RPH3AL: variants seen among roughly 807,000 people sequenced by gnomAD.
RPH3AL encodes the protein rab effector Noc2.
Under a neutral mutation model 43.1 loss-of-function variants are expected in RPH3AL, and 38 were observed. The ratio of observed to expected loss-of-function variants is 0.88; its 90% confidence interval spans 0.68 to 1.15. The LOEUF (loss-of-function observed/expected upper bound fraction) is 1.15, where lower values mean the gene tolerates loss of function less well. Ranked by LOEUF, RPH3AL falls within the 50% of genes most tolerant of loss-of-function variation. The pLI is 0.00. For missense variants in RPH3AL, 462 were observed against 423.2 expected (o/e 1.09, Z -0.81); for synonymous variants, 189 against 176.3 (o/e 1.07, Z -0.57).
intron 4 of RPH3AL, among the ~76,000 whole-genome samples, chr17:320,472 C>A (rs2044436400): frequency 2.0e-5 from 3 of 151,304 alleles, no homozygotes; most frequent in Admixed American, 2.0e-4. Context: ...CCCATCTCTA[C>A]AAAAAAAATA....
At chr17:276,095 C>T (rs781603453) in intron 6 of RPH3AL, among the ~76,000 whole-genome samples, 4 of 152,242 alleles carry the variant, frequency 2.6e-5, no homozygotes, top group Non-Finnish European at 4.4e-5. Flanking sequence ...CAGAGGAAAT[C>T]GGGGACGAGA....
chr17:240,649 C>T lies in RPH3AL; in HGVS notation c.613+6462G>A, dbSNP rs191694073. ...GCACTTTCTTCCTATGACTGAATAACGTTCCACTGTGTGATTACACCATAT... is the reference window on the plus strand; with the variant it reads ...GCACTTTCTTCCTATGACTGAATAATGTTCCACTGTGTGATTACACCATAT... On this transcript the variant is annotated intron_variant, in intron 7 of 9. Coordinates refer to ENST00000331302, the MANE Select transcript of RPH3AL (RefSeq NM_006987.4). Among the ~76,000 whole-genome samples the T allele has an allele frequency of 3.1e-3, 465 of 152,346 alleles. 2 individuals are homozygous for T. The highest frequency in any genetic ancestry group is 0.011 in the African/African-American group (445 of 41,574).
intron 8 of RPH3AL, among the ~76,000 whole-genome samples, chr17:218,935 T>C (rs985771463): frequency 1.3e-5 from 2 of 152,046 alleles, no homozygotes; most frequent in Non-Finnish European, 2.9e-5. Context: ...AGAGGCAAAC[T>C]CTCAGTTGGG....
chr17:313,870 G>A (rs2043724751), intron 5 of RPH3AL, among the ~76,000 whole-genome samples: 1 of 152,122 alleles, frequency 6.6e-6, no homozygotes, highest in South Asian at 2.1e-4. Context: ...CCATCCAGCT[G>A]TGCTCCCCTA....
intron 5 of RPH3AL, among the ~76,000 whole-genome samples, chr17:318,172 C>G (rs2044352937): frequency 6.6e-6 from 1 of 152,050 alleles, no homozygotes; most frequent in South Asian, 2.1e-4. Flanking sequence ...CACCTGAGGT[C>G]AGGAGTTCAA....
At chr17:271,331 A>T (rs954565364) in intron 6 of RPH3AL, among the ~76,000 whole-genome samples, 1 of 152,214 alleles carries the variant, frequency 6.6e-6, no homozygotes, top group Non-Finnish European at 1.5e-5. Flanking sequence ...TGGTAGCCTG[A>T]TGGGGATGGC....
At chr17:332,995 A>G in intron 2 of RPH3AL, 3 of 1,283,142 alleles carry the variant, frequency 2.3e-6, no homozygotes, top group Admixed American at 2.3e-5. Flanking sequence ...TAGGGGACAG[A>G]GGCTCATCAG....
In RPH3AL at chr17:300,166, C is replaced by T. The variant is rs1168392738; in HGVS notation, c.352-18312G>A. On this transcript the variant is annotated intron_variant, in intron 5 of 9. Transcript: ENST00000331302. ...CCCAGCCTAGGCCTGCAGAATCTCTCACCCACTCTAGAAGGGGCTGGCCCA... is the reference window on the plus strand; with the variant it reads ...CCCAGCCTAGGCCTGCAGAATCTCTTACCCACTCTAGAAGGGGCTGGCCCA... Among the ~76,000 whole-genome samples, 49 of 72,918 alleles carry T rather than the reference C, an allele frequency of 6.7e-4. 1 individual carries two copies. Among genetic ancestry groups the T allele is most frequent in the African/African-American group, 2.5e-3 (46 of 18,442 alleles). 47.8% of individuals were successfully genotyped at this position (72,918 alleles called of 152,430 possible).
chr17:226,128 G>A (rs534238921), intron 7 of RPH3AL, among the ~76,000 whole-genome samples: 4 of 152,232 alleles, frequency 2.6e-5, no homozygotes, highest in East Asian at 1.9e-4. Context: ...TTTGGTGCCC[G>A]TGTGCACAAG....
intron 6 of RPH3AL, among the ~76,000 whole-genome samples, chr17:259,329 C>T (rs940169389): frequency 1.3e-5 from 2 of 152,156 alleles, no homozygotes; most frequent in Non-Finnish European, 1.5e-5. Context: ...AAATGCCTTC[C>T]GCAGGGGAGA....
intron 8 of RPH3AL, among the ~76,000 whole-genome samples, chr17:217,317 C>G (rs1287544018): frequency 3.8e-5 from 4 of 105,216 alleles, no homozygotes; most frequent in Non-Finnish European, 9.6e-5. Flanking sequence ...TCATTCCCAT[C>G]TGGGGCAGTT....
rs1395189453 is a variant in RPH3AL at position 323,593 on chromosome 17, G to A, written c.78-2178C>T. ...GGGAGTTGGAAGCCAGGGCCCCCAG[G>A]TTCAGGGAATCACCACTCCCTCCAC... is the stretch of plus-strand genomic sequence containing the variant. On this transcript the variant is annotated intron_variant, in intron 3 of 9. Coordinates refer to ENST00000331302, the MANE Select transcript of RPH3AL (RefSeq NM_006987.4). This position sits in a 1 kb window ranked among gnomAD's most constrained non-coding sequence, Gnocchi z 4.4. Among the ~76,000 whole-genome samples the A allele has an allele frequency of 1.3e-5, 2 of 152,138 alleles. No homozygotes were observed. The highest frequency in any genetic ancestry group is 2.1e-4 in the South Asian group (1 of 4,830).
chr17:241,670 G>A (rs2041536783), intron 7 of RPH3AL, among the ~76,000 whole-genome samples: 1 of 151,366 alleles, frequency 6.6e-6, no homozygotes, highest in Non-Finnish European at 1.5e-5. Flanking sequence ...CACAGAGAAA[G>A]GGTTTGGAGA....
rs2040719218 is a variant in RPH3AL at position 213,481 on chromosome 17, A to C, written c.*371T>G. The C allele has an allele frequency of 3.0e-6, 1 of 332,184 alleles. No individual in the cohort carries two copies. The highest frequency in any genetic ancestry group is 2.2e-5 in the African/African-American group (1 of 45,980). 20.6% of individuals were successfully genotyped at this position (332,184 alleles called of 1,614,324 possible). A position where few individuals can be genotyped will look rare whatever the true frequency, so the allele number is the denominator to read the frequency against. On this transcript the variant is annotated 3_prime_UTR_variant, in exon 10 of 10. Coordinates refer to ENST00000331302, the MANE Select transcript of RPH3AL (RefSeq NM_006987.4). ...TAGGTTTCATTTAGTCTTGCCATTAATATAGCAACGGAGATAGCCCCACCG... is the reference window on the plus strand; with the variant it reads ...TAGGTTTCATTTAGTCTTGCCATTACTATAGCAACGGAGATAGCCCCACCG...
intron 5 of RPH3AL, among the ~76,000 whole-genome samples, chr17:291,511 A>T (rs537368552): frequency 5.9e-5 from 9 of 152,312 alleles, no homozygotes; most frequent in Admixed American, 2.0e-4. Context: ...GACGGTGCTT[A>T]CAGAGGGGTC....
chr17:305,497 C>T (rs552541122), intron 5 of RPH3AL, among the ~76,000 whole-genome samples: 7 of 152,238 alleles, frequency 4.6e-5, no homozygotes, highest in East Asian at 3.9e-4. Flanking sequence ...GGTTACAGGT[C>T]GGTTCCTTCT....
chr17:327,400 C>A, intron 3 of RPH3AL, 67 bp downstream of exon 3: 3 of 1,393,952 alleles, frequency 2.2e-6, no homozygotes, highest in South Asian at 2.3e-5. Context: ...ATGAATCTTG[C>A]TGAAGACAGG....
intron 1 of RPH3AL, among the ~76,000 whole-genome samples, chr17:346,443 G>A (rs180837575): frequency 3.0e-5 from 4 of 135,022 alleles, no homozygotes; most frequent in Admixed American, 7.2e-5. Context: ...AGCAAGTCAC[G>A]TCTTACATAA....
At chr17:259,267 C>T (rs768452690) in intron 6 of RPH3AL, among the ~76,000 whole-genome samples, 3 of 152,202 alleles carry the variant, frequency 2.0e-5, no homozygotes, top group Non-Finnish European at 4.4e-5. Context: ...TCATCCAGTA[C>T]AGGAGGTGCA....
Sources: allele counts gnomAD v4.1 joint callset (sites outside exome capture counted in the v4.1 genomes callset), GRCh38; gene constraint gnomAD v4.1.1; non-coding constraint Gnocchi (gnomAD v3.1); transcripts MANE v1.5; gene names NCBI Gene and HGNC (gene_info 2026-07-23, HGNC 2026-07-21).